Variants in OTUD7A observed in about 807,000 individuals in gnomAD.
OTUD7A encodes OTU deubiquitinase 7A.
OTUD7A carries 12 observed loss-of-function variants against 65.7 expected under a neutral mutation model. That is an observed-to-expected ratio of 0.18 (90% CI 0.12 to 0.30). The LOEUF (loss-of-function observed/expected upper bound fraction) is 0.30. Ranked by LOEUF, OTUD7A falls within the 10% of genes least tolerant of loss-of-function variation. OTUD7A has a pLI of 1.00. For missense variants in OTUD7A, 1,148 were observed against 1,304.8 expected (o/e 0.88, Z 1.85); for synonymous variants, 641 against 586.3 (o/e 1.09, Z -1.35).
intron 1 of OTUD7A, among the ~76,000 whole-genome samples, chr15:31,800,292 A>G (rs1307185648): frequency 6.6e-6 from 1 of 152,048 alleles, no homozygotes; most frequent in African/African-American, 2.4e-5. Flanking sequence ...CCCAGGCAAA[A>G]AGCCCGGGAG....
chr15:31,775,527 T>C (rs891929105), intron 1 of OTUD7A, among the ~76,000 whole-genome samples: 1 of 152,148 alleles, frequency 6.6e-6, no homozygotes, highest in Non-Finnish European at 1.5e-5. Context: ...GGTTGTAAAA[T>C]TGAAGAGACT....
intron 1 of OTUD7A, among the ~76,000 whole-genome samples, chr15:31,673,404 G>T (rs904141914): frequency 1.3e-5 from 2 of 152,170 alleles, no homozygotes; most frequent in African/African-American, 4.8e-5. Context: ...CTACAATCTT[G>T]CAACAGTGTA....
At chr15:31,816,075 G>A (rs1234915212) in intron 1 of OTUD7A, among the ~76,000 whole-genome samples, 1 of 152,214 alleles carries the variant, frequency 6.6e-6, no homozygotes, top group African/African-American at 2.4e-5. Flanking sequence ...ACCACTGAAC[G>A]AGTGAAGCAT....
At chr15:31,761,468 C>T (rs775334576) in intron 1 of OTUD7A, among the ~76,000 whole-genome samples, 2 of 151,988 alleles carry the variant, frequency 1.3e-5, no homozygotes, top group Non-Finnish European at 1.5e-5. Flanking sequence ...AAAATCACAA[C>T]GAAATATAAC....
chr15:31,664,044 A>G (rs995872551), intron 1 of OTUD7A, among the ~76,000 whole-genome samples: 1 of 152,204 alleles, frequency 6.6e-6, no homozygotes, highest in Non-Finnish European at 1.5e-5. Flanking sequence ...TTGTATAAAT[A>G]TACTATAGTT....
chr15:31,666,516 T>C (rs1162564598), intron 1 of OTUD7A, among the ~76,000 whole-genome samples: 2 of 152,122 alleles, frequency 1.3e-5, no homozygotes, highest in East Asian at 1.9e-4. Flanking sequence ...GTTATTTAGA[T>C]TTTCTCTCTT....
intron 1 of OTUD7A, among the ~76,000 whole-genome samples, chr15:31,685,566 GGAAAATGGTGT>G (rs1892818116): frequency 6.6e-6 from 1 of 152,182 alleles, no homozygotes. Flanking sequence ...GGCTGAGGCA[GGAAAATGGTGT>G]GAACCCGAGA....
intron 1 of OTUD7A, among the ~76,000 whole-genome samples, chr15:31,788,840 A>G (rs1895741525): frequency 6.6e-6 from 1 of 152,210 alleles, no homozygotes; most frequent in Non-Finnish European, 1.5e-5. Flanking sequence ...GAGCTTACTC[A>G]TATAATCTTA....
intron 1 of OTUD7A, among the ~76,000 whole-genome samples, chr15:31,803,323 T>C (rs913016903): frequency 1.3e-5 from 2 of 152,212 alleles, no homozygotes; most frequent in Non-Finnish European, 2.9e-5. Flanking sequence ...AAAAAAGTTA[T>C]TTGCTAAAAT....
intron 1 of OTUD7A, among the ~76,000 whole-genome samples, chr15:31,794,034 C>A (rs1895887215): frequency 6.6e-6 from 1 of 152,232 alleles, no homozygotes; most frequent in South Asian, 2.1e-4. Flanking sequence ...CCTTCTACAT[C>A]TAAGCCTTCT....
At chr15:31,798,163 C>T (rs1896022152) in intron 1 of OTUD7A, among the ~76,000 whole-genome samples, 3 of 152,032 alleles carry the variant, frequency 2.0e-5, no homozygotes, top group Non-Finnish European at 4.4e-5. Context: ...AAGTCACATG[C>T]TAAGGTATTG....
intron 3 of OTUD7A, among the ~76,000 whole-genome samples, chr15:31,581,541 A>G (rs1889371073): frequency 6.6e-6 from 1 of 152,220 alleles, no homozygotes; most frequent in South Asian, 2.1e-4. Flanking sequence ...TCTGAAATCT[A>G]GGTGGAGGTT....
intron 1 of OTUD7A, among the ~76,000 whole-genome samples, chr15:31,734,035 A>G (rs765202743): frequency 1.3e-5 from 2 of 152,172 alleles, no homozygotes; most frequent in African/African-American, 2.4e-5. Flanking sequence ...CTAATACTGC[A>G]TTTCGGGGAA....
chr15:31,725,393 C>T (rs922244632), intron 1 of OTUD7A, among the ~76,000 whole-genome samples: 10 of 152,132 alleles, frequency 6.6e-5, no homozygotes, highest in African/African-American at 2.4e-4. Context: ...TATCAGCTAA[C>T]TTGTTCTTTT....
At chr15:31,747,211 C>T (rs987638024) in intron 1 of OTUD7A, among the ~76,000 whole-genome samples, 1 of 152,074 alleles carries the variant, frequency 6.6e-6, no homozygotes, top group Non-Finnish European at 1.5e-5. Flanking sequence ...TTGTGCAGAT[C>T]GGGGCTGAAA....
intron 1 of OTUD7A, among the ~76,000 whole-genome samples, chr15:31,710,784 T>C (rs1893423074): frequency 6.6e-6 from 1 of 152,250 alleles, no homozygotes; most frequent in Non-Finnish European, 1.5e-5. Flanking sequence ...TTTCTCCCTT[T>C]GCTGTCCATA....
chr15:31,644,901 TCAGCCC>T (rs1891617284), intron 3 of OTUD7A, among the ~76,000 whole-genome samples: 1 of 152,206 alleles, frequency 6.6e-6, no homozygotes, highest in Non-Finnish European at 1.5e-5. Context: ...TGGCTCTGTA[TCAGCCC>T]CAGGCACTGT....
intron 7 of OTUD7A, among the ~76,000 whole-genome samples, chr15:31,526,827 C>A (rs2042021634): frequency 6.6e-6 from 1 of 152,154 alleles, no homozygotes; most frequent in Non-Finnish European, 1.5e-5. Context: ...TCCCTTTGGA[C>A]TGAGCTCACA....
chr15:31,604,755 C>T (rs567240843), intron 3 of OTUD7A, among the ~76,000 whole-genome samples: 20 of 152,336 alleles, frequency 1.3e-4, no homozygotes, highest in African/African-American at 4.8e-4. Context: ...GGCTCCCACT[C>T]AGGAGCCCAG....
Sources: gnomAD v4.1 joint callset for allele counts (sites outside exome capture counted in the v4.1 genomes callset) on GRCh38, gnomAD v4.1.1 for gene constraint, MANE v1.5 for transcripts, NCBI Gene and HGNC (gene_info 2026-07-23, HGNC 2026-07-21) for gene names.